WWOX: variants seen among roughly 807,000 people sequenced by gnomAD.
WWOX encodes the protein WW domain containing oxidoreductase, also known as WW domain-containing oxidoreductase.
Under a neutral mutation model 46.2 loss-of-function variants are expected in WWOX, and 69 were observed. The observed-to-expected ratio is 1.49, with a 90% CI of 1.23 to 1.82. The LOEUF (loss-of-function observed/expected upper bound fraction) is 1.82. Among genes scored for constraint, WWOX ranks in the 40% most tolerant of loss-of-function variants. The pLI, the probability that WWOX is intolerant of heterozygous loss-of-function variation, is 0.00. For synonymous variants in WWOX, 359 were observed against 202.6 expected, an observed-to-expected ratio of 1.77 and a Z score of -6.56; for missense variants, 919 against 542.6, an observed-to-expected ratio of 1.69 and a Z score of -6.89.
intron 5 of WWOX, among the ~76,000 whole-genome samples, chr16:78,359,885 A>T (rs1223678777): frequency 2.0e-5 from 3 of 152,194 alleles, no homozygotes; most frequent in Non-Finnish European, 4.4e-5. Flanking sequence ...AAACATGAGG[A>T]ATGAATTTTG....
chr16:78,144,441 A>ATATACGTG (rs1203132529), intron 4 of WWOX, among the ~76,000 whole-genome samples: 2 of 19,958 alleles, frequency 1.0e-4, no homozygotes, highest in African/African-American at 2.6e-4. Context: ...ATATATATAT[A>ATATACGTG]TATATACACA....
At chr16:79,157,240 G>A (rs1232924362) in intron 8 of WWOX, among the ~76,000 whole-genome samples, 1 of 152,172 alleles carries the variant, frequency 6.6e-6, no homozygotes, top group East Asian at 1.9e-4. Context: ...GAGCATTCAA[G>A]AGTCTGTCAG....
chr16:78,871,643 A>C, intron 8 of WWOX, among the ~76,000 whole-genome samples: 1 of 152,356 alleles, frequency 6.6e-6, no homozygotes, highest in East Asian at 1.9e-4. Flanking sequence ...CAGGTTGCTC[A>C]GGCTGGAGTG....
chr16:78,533,315 C>G (rs554787279), intron 8 of WWOX, among the ~76,000 whole-genome samples: 4 of 151,906 alleles, frequency 2.6e-5, no homozygotes, highest in African/African-American at 4.8e-5. Context: ...TCAGTTGAGT[C>G]TAACATAGGG....
chr16:78,108,274 G>A lies in WWOX; in HGVS notation c.108-149G>A, dbSNP rs144124717. ...CAGCAAACCTCCTAAAGTTGACCCCGTAGCTGGGGTCACAGTCCTCTTTCT... is the reference window on the plus strand; with the variant it reads ...CAGCAAACCTCCTAAAGTTGACCCCATAGCTGGGGTCACAGTCCTCTTTCT... On this transcript the variant is annotated intron_variant, in intron 1 of 8. Transcript: ENST00000566780. 6.1e-3 allele frequency: 4,580 copies of A among 755,528 alleles called. 16 individuals carry two copies. The highest frequency in any genetic ancestry group is 7.9e-3 in the Non-Finnish European group (3,649 of 459,014). 46.8% of individuals were successfully genotyped at this position (755,528 alleles called of 1,614,324 possible). A position where few individuals can be genotyped will look rare whatever the true frequency, so the allele number is the denominator to read the frequency against.
chr16:78,526,235 C>G (rs1420192973), intron 8 of WWOX: 1 of 152,280 alleles, frequency 6.6e-6, no homozygotes. Context: ...GTGCAGGACG[C>G]CGGAGGCCAC....
intron 8 of WWOX, chr16:78,552,192 A>G (rs143859139): frequency 6.6e-6 from 1 of 152,342 alleles, no homozygotes; most frequent in Non-Finnish European, 1.5e-5. Flanking sequence ...GCTGGACTTG[A>G]TTAACCCCAT....
In WWOX at chr16:78,787,229, A is replaced by G. The variant is rs116609750; in HGVS notation, c.1056+354477A>G. On this transcript the variant is annotated intron_variant, in intron 8 of 8. Coordinates refer to ENST00000566780, the MANE Select transcript of WWOX (RefSeq NM_016373.4). Reference sequence around the variant, plus strand: ...AGTGTAAAATTCAGTGACTTTTAATACGTTCACAATATCGTGCCACAATCA... The same window carrying G: ...AGTGTAAAATTCAGTGACTTTTAATGCGTTCACAATATCGTGCCACAATCA... Among the ~76,000 whole-genome samples the G allele has an allele frequency of 1.8e-3, 272 of 152,336 alleles. 1 individual carries two copies. Among genetic ancestry groups the G allele is most frequent in the African/African-American group, 6.2e-3 (256 of 41,582 alleles).
intron 1 of WWOX, among the ~76,000 whole-genome samples, chr16:78,106,068 C>T (rs910881305): frequency 6.6e-6 from 1 of 152,170 alleles, no homozygotes; most frequent in Non-Finnish European, 1.5e-5. Context: ...TCCCAAAGTG[C>T]TGGGATTACA....
chr16:78,720,939 T>G (rs1029743740), intron 8 of WWOX, among the ~76,000 whole-genome samples: 8 of 152,104 alleles, frequency 5.3e-5, no homozygotes, highest in Non-Finnish European at 8.8e-5. Context: ...CAAGAGCACT[T>G]CTCCATCATC....
At chr16:78,772,682 A>T (rs2050093243) in intron 8 of WWOX, among the ~76,000 whole-genome samples, 1 of 152,202 alleles carries the variant, frequency 6.6e-6, no homozygotes, top group Admixed American at 6.5e-5. Flanking sequence ...GCATAGGCAT[A>T]TGTTTAGCTC....
intron 5 of WWOX, among the ~76,000 whole-genome samples, chr16:78,358,746 A>G (rs1270063829): frequency 1.3e-5 from 2 of 152,064 alleles, no homozygotes; most frequent in Non-Finnish European, 2.9e-5. Flanking sequence ...TGAGTTGAAT[A>G]TATACAAATG....
intron 8 of WWOX, among the ~76,000 whole-genome samples, chr16:78,743,056 A>G (rs542139362): frequency 8.5e-5 from 13 of 152,176 alleles, no homozygotes; most frequent in African/African-American, 3.1e-4. Context: ...TGCCGTGCTC[A>G]TGAACAGGAA....
intron 8 of WWOX, among the ~76,000 whole-genome samples, chr16:79,153,613 G>T (rs1377884219): frequency 6.6e-6 from 1 of 152,080 alleles, no homozygotes; most frequent in African/African-American, 2.4e-5. Context: ...AAGCAATAAA[G>T]AACCTCTAGA....
At chr16:79,019,627 C>A (rs907422191) in intron 8 of WWOX, among the ~76,000 whole-genome samples, 2 of 151,846 alleles carry the variant, frequency 1.3e-5, no homozygotes, top group Non-Finnish European at 2.9e-5. Context: ...TCTGTGAGCT[C>A]AGGAAGCAGC....
At chr16:78,926,758 G>C (rs972317479) in intron 8 of WWOX, among the ~76,000 whole-genome samples, 1 of 152,072 alleles carries the variant, frequency 6.6e-6, no homozygotes, top group Non-Finnish European at 1.5e-5. Flanking sequence ...AAGACCATGG[G>C]TGTGAGTATT....
At chr16:78,687,902 A>T (rs541454529) in intron 8 of WWOX, among the ~76,000 whole-genome samples, 4 of 152,028 alleles carry the variant, frequency 2.6e-5, no homozygotes, top group African/African-American at 9.6e-5. Flanking sequence ...TAAATGGCCC[A>T]CTCCCTTTCT....
At chr16:79,144,703 C>G (rs999292092) in intron 8 of WWOX, among the ~76,000 whole-genome samples, 2 of 152,008 alleles carry the variant, frequency 1.3e-5, no homozygotes, top group Non-Finnish European at 2.9e-5. Flanking sequence ...TTTTATTGAC[C>G]TAATGTTCTG....
intron 8 of WWOX, among the ~76,000 whole-genome samples, chr16:79,105,416 A>G (rs1461856910): frequency 6.6e-6 from 1 of 152,074 alleles, no homozygotes; most frequent in African/African-American, 2.4e-5. Flanking sequence ...ACCCATATCT[A>G]TACACCTTCC....
Sources: allele counts gnomAD v4.1 joint callset (sites outside exome capture counted in the v4.1 genomes callset), GRCh38; gene constraint gnomAD v4.1.1; transcripts MANE v1.5; gene names NCBI Gene and HGNC (gene_info 2026-07-23, HGNC 2026-07-21).